The following APBB1IP variants were observed in gnomAD, a reference collection of about 807,000 sequenced individuals.
APBB1IP encodes amyloid beta precursor protein binding family B member 1 interacting protein.
In APBB1IP, 27 loss-of-function variants were observed where a neutral mutation model predicts 64.9. The ratio of observed to expected loss-of-function variants is 0.42; its 90% CI spans 0.31 to 0.57. The LOEUF (loss-of-function observed/expected upper bound fraction) is 0.57, where lower values mean the gene tolerates loss of function less well. Ranked by LOEUF, APBB1IP falls within the 20% of genes least tolerant of loss-of-function variation. The probability of loss-of-function intolerance (pLI) is 0.20; values close to 1 mark genes in which losing one functional copy is unlikely to be tolerated. For synonymous variants in APBB1IP, 392 were observed against 331.0 expected (o/e 1.18, Z -2.00); for missense variants, 812 against 845.5 (o/e 0.96, Z 0.49).
chr10:26,516,931 G>T (rs1836339237), intron 8 of APBB1IP, among the ~76,000 whole-genome samples: 1 of 152,148 alleles, frequency 6.6e-6, no homozygotes, highest in Non-Finnish European at 1.5e-5. Context: ...GAAGATAAGG[G>T]TTCCTTTGTT....
chr10:26,537,178 C>T (rs952433725), intron 10 of APBB1IP, among the ~76,000 whole-genome samples: 1 of 152,106 alleles, frequency 6.6e-6, no homozygotes, highest in Non-Finnish European at 1.5e-5. Context: ...TTTTGTTCAC[C>T]ATTAATACAT....
chr10:26,455,077 A>G (rs1416398280), intron 2 of APBB1IP, among the ~76,000 whole-genome samples: 2 of 152,236 alleles, frequency 1.3e-5, no homozygotes, highest in Admixed American at 1.3e-4. Context: ...TGTTCAGGAA[A>G]TGGATGAGAC....
chr10:26,540,523 A>G (rs911834031), intron 10 of APBB1IP, among the ~76,000 whole-genome samples: 3 of 152,046 alleles, frequency 2.0e-5, no homozygotes, highest in Non-Finnish European at 4.4e-5. Context: ...TATATTTTAA[A>G]TGTGACTAAT....
chr10:26,488,433 A>T (rs757945179), intron 2 of APBB1IP, among the ~76,000 whole-genome samples: 1 of 152,004 alleles, frequency 6.6e-6, no homozygotes, highest in Non-Finnish European at 1.5e-5. Flanking sequence ...AAGTTTCTCT[A>T]TGTTGCCCAG....
At chr10:26,527,551 A>G in intron 8 of APBB1IP, among the ~76,000 whole-genome samples, 1 of 151,072 alleles carries the variant, frequency 6.6e-6, no homozygotes, top group Admixed American at 6.6e-5. Context: ...TCAAAAAAAA[A>G]AAAAAAAGAA....
chr10:26,455,778 T>C (rs1323873571), intron 2 of APBB1IP, among the ~76,000 whole-genome samples: 1 of 152,126 alleles, frequency 6.6e-6, no homozygotes, highest in Non-Finnish European at 1.5e-5. Flanking sequence ...AGAGTTACCA[T>C]ATGCCCCAGC....
chr10:26,545,225 A>T (rs1428995632), intron 11 of APBB1IP, among the ~76,000 whole-genome samples: 4 of 152,194 alleles, frequency 2.6e-5, no homozygotes, highest in Non-Finnish European at 5.9e-5. Flanking sequence ...CTGCTGTTTT[A>T]AAAAAATAAA....
At chr10:26,504,975 C>T (rs904450411) in intron 6 of APBB1IP, among the ~76,000 whole-genome samples, 1 of 152,000 alleles carries the variant, frequency 6.6e-6, no homozygotes, top group Non-Finnish European at 1.5e-5. Flanking sequence ...AGGCTTTTCT[C>T]GGACTCCTAG....
chr10:26,519,616 G>A (rs1170860028), intron 8 of APBB1IP, among the ~76,000 whole-genome samples: 1 of 152,168 alleles, frequency 6.6e-6, no homozygotes, highest in African/African-American at 2.4e-5. Flanking sequence ...TTTGGGCCAG[G>A]CCATGAATCC....
chr10:26,528,693 T>C (rs1836510475), intron 8 of APBB1IP, among the ~76,000 whole-genome samples: 2 of 152,164 alleles, frequency 1.3e-5, no homozygotes, highest in South Asian at 4.1e-4. Flanking sequence ...TCCCAGCACT[T>C]TGGGAGGCCG....
At chr10:26,535,446 T>C (rs1045652345) in intron 9 of APBB1IP, among the ~76,000 whole-genome samples, 1 of 152,214 alleles carries the variant, frequency 6.6e-6, no homozygotes, top group Non-Finnish European at 1.5e-5. Flanking sequence ...ATTTGTCCTT[T>C]GTATTACAAA....
chr10:26,522,115 AAAC>A (rs1836409634), intron 8 of APBB1IP, among the ~76,000 whole-genome samples: 1 of 152,246 alleles, frequency 6.6e-6, no homozygotes, highest in African/African-American at 2.4e-5. Context: ...CAGTTTAAAA[AAAC>A]TATTCAACGG....
rs758743296 is a variant in APBB1IP, at chr10:26,500,833, C to A, written c.175C>A (p.Leu59Met). 4 of 1,613,542 alleles carry A rather than the reference C, an allele frequency of 2.5e-6. No homozygotes were observed. Among genetic ancestry groups the A allele is most frequent in the Non-Finnish European group, 2.5e-6 (3 of 1,179,512 alleles). ...TTCCCTACTAGAGTCCTTAAATGCA[C>A]TGGAAGACCAAGATTTAGATGCTCT... ...FKDLNESLNALEDQDLDALMA... is the reference protein window; with the variant it reads ...FKDLNESLNAMEDQDLDALMA... The change falls in exon 5 of 15, where the codon CTG (leucine) becomes ATG (methionine). Residue 59 changes from leucine (L) to methionine (M), a missense_variant. Coordinates refer to ENST00000376236, the MANE Select transcript of APBB1IP (RefSeq NM_019043.4).
At chr10:26,535,765 A>G (rs995383135) in intron 9 of APBB1IP, among the ~76,000 whole-genome samples, 2 of 152,132 alleles carry the variant, frequency 1.3e-5, no homozygotes, top group East Asian at 1.9e-4. Context: ...CTGACAACCT[A>G]CCTTATGAAG....
chr10:26,519,208 T>C (rs1836371506), intron 8 of APBB1IP, among the ~76,000 whole-genome samples: 1 of 152,106 alleles, frequency 6.6e-6, no homozygotes, highest in Non-Finnish European at 1.5e-5. Context: ...GGAGAATCAC[T>C]TGAACCCAGG....
intron 10 of APBB1IP, among the ~76,000 whole-genome samples, chr10:26,536,938 G>A (rs1836632697): frequency 6.6e-6 from 1 of 151,842 alleles, no homozygotes; most frequent in Non-Finnish European, 1.5e-5. Flanking sequence ...TGAGATTTTA[G>A]CCCTTAGACT....
chr10:26,566,677 G>A (rs1837048423), intron 14 of APBB1IP, among the ~76,000 whole-genome samples: 1 of 152,172 alleles, frequency 6.6e-6, no homozygotes, highest in South Asian at 2.1e-4. Context: ...GAGGGACAGA[G>A]GCTCCCCAGG....
At chr10:26,471,060 A>G (rs1835710045) in intron 2 of APBB1IP, among the ~76,000 whole-genome samples, 1 of 152,146 alleles carries the variant, frequency 6.6e-6, no homozygotes, top group Non-Finnish European at 1.5e-5. Context: ...ACCTCATGAA[A>G]TAGCTTATCA....
intron 9 of APBB1IP, among the ~76,000 whole-genome samples, chr10:26,535,405 C>T (rs930687369): frequency 1.3e-5 from 2 of 152,082 alleles, no homozygotes; most frequent in African/African-American, 4.8e-5. Context: ...CTAGTCGCAT[C>T]AGGGAGAATT....
Sources: gnomAD v4.1 joint callset for allele counts (sites outside exome capture counted in the v4.1 genomes callset) on GRCh38, gnomAD v4.1.1 for gene constraint, MANE v1.5 for transcripts, NCBI Gene and HGNC (gene_info 2026-07-23, HGNC 2026-07-21) for gene names.